Variants in RYR3 observed in about 807,000 individuals in gnomAD.
The protein encoded by RYR3 is ryanodine receptor 3, also known as brain ryanodine receptor-calcium release channel.
RYR3 carries 207 observed loss-of-function variants against 584.3 expected under a neutral mutation model. The ratio of observed to expected loss-of-function variants is 0.35; its 90% CI spans 0.32 to 0.40. RYR3 has a LOEUF of 0.40. Among genes scored for constraint, RYR3 ranks in the 10% least tolerant of loss-of-function variants. The pLI is 1.00. For missense variants in RYR3, 5,616 were observed against 6,089.2 expected, an observed-to-expected ratio of 0.92 and a Z score of 2.59; for synonymous variants, 2,416 against 2,248.5, an observed-to-expected ratio of 1.07 and a Z score of -2.11.
At position 33,412,075 on chromosome 15, in the gene RYR3, T is replaced by C. The variant is rs1253177492; in HGVS notation, c.52-61344T>C. Among the ~76,000 whole-genome samples, 1 of 152,190 alleles carries C rather than the reference T, an allele frequency of 6.6e-6. No homozygotes were observed. Among genetic ancestry groups the C allele is most frequent in the Non-Finnish European group, 1.5e-5 (1 of 68,028 alleles). On this transcript the variant is annotated intron_variant, in intron 1 of 103. Coordinates refer to ENST00000634891, the MANE Select transcript of RYR3 (RefSeq NM_001036.6). The surrounding 1 kb of genome is among the most constrained non-coding windows in gnomAD (Gnocchi z 4.3). ...GTGTCAGCCACACCTGTTGCTGCCA[T>C]TCAGTAGGCTACTTTGTGTATAGTT... is the stretch of plus-strand genomic sequence containing the variant.
At chr15:33,674,241 C>T (rs929464094) in intron 38 of RYR3, among the ~76,000 whole-genome samples, 8 of 152,320 alleles carry the variant, frequency 5.3e-5, no homozygotes, top group East Asian at 1.9e-4. Flanking sequence ...AACACAAATA[C>T]GCACATGCAA....
At chr15:33,736,475 C>A in intron 49 of RYR3, 150 bp downstream of exon 49, 1 of 550,408 alleles carries the variant, frequency 1.8e-6, no homozygotes, top group Non-Finnish European at 3.2e-6. Flanking sequence ...ATAGATCCCA[C>A]AAAACCAAGT....
intron 28 of RYR3, among the ~76,000 whole-genome samples, chr15:33,645,218 G>A (rs1201171015): frequency 3.3e-5 from 5 of 152,100 alleles, no homozygotes; most frequent in Admixed American, 6.6e-5. Flanking sequence ...GCAGAGAGGA[G>A]CCAAAGATTG....
At position 33,533,427 on chromosome 15, in the gene RYR3, G is replaced by C. The variant is rs1251877222; in HGVS notation, c.433+38G>C. ...TCCCAGATCTCTTGAGCTCAGCGGG[G>C]GTCTTGGGCTAAGGGGCTTTTGAGA... On this transcript the variant is annotated intron_variant, in intron 5 of 103. Transcript: ENST00000634891. The C allele has an allele frequency of 4.1e-6, 6 of 1,455,822 alleles. No individual in the cohort carries two copies. In the Admixed American group the frequency reaches 9.2e-5, roughly 22 times the overall value. 90.2% of individuals were successfully genotyped at this position (1,455,822 alleles called of 1,614,324 possible).
intron 1 of RYR3, among the ~76,000 whole-genome samples, chr15:33,326,552 T>G (rs1174930532): frequency 6.6e-6 from 1 of 152,180 alleles, no homozygotes; most frequent in African/African-American, 2.4e-5. Context: ...GAGGGAACAT[T>G]TGAACTGGGG....
rs1050666286 is a variant in RYR3, at chr15:33,694,250, G to GT, written c.5861-1956dup. ...TACAAATCTATTATTACTAGTTTTTGTTTTTTTTTTTTCAAGACGGAGTCT... is the reference window on the plus strand; with the variant it reads ...TACAAATCTATTATTACTAGTTTTTGTTTTTTTTTTTTTCAAGACGGAGTCT... On this transcript the variant is annotated intron_variant, in intron 38 of 103. Coordinates refer to ENST00000634891, the MANE Select transcript of RYR3 (RefSeq NM_001036.6). Among the ~76,000 whole-genome samples, 572 of 142,530 alleles carry GT rather than the reference G, an allele frequency of 4.0e-3. 2 individuals carry two copies. The highest frequency in any genetic ancestry group is 7.9e-3 in the African/African-American group (309 of 39,136). The allele number at this position is 142,530 out of a possible 152,430, so 93.5% of individuals were successfully genotyped here.
At chr15:33,602,326 C>T (rs945928440) in intron 17 of RYR3, among the ~76,000 whole-genome samples, 2 of 152,210 alleles carry the variant, frequency 1.3e-5, no homozygotes, top group African/African-American at 4.8e-5. Flanking sequence ...AACATAAAAA[C>T]TCTAAGTGGT....
At chr15:33,576,539 T>C (rs28803605) in intron 12 of RYR3, among the ~76,000 whole-genome samples, 37,128 of 152,106 alleles carry the variant, frequency 0.24, 7,640 homozygotes, top group African/African-American at 0.57. Flanking sequence ...TTCATAGACA[T>C]AGAAAAGGTC....
At chr15:33,669,220 A>T in intron 36 of RYR3, 134 bp from the exon 37 acceptor site, 1 of 552,700 alleles carries the variant, frequency 1.8e-6, no homozygotes, top group Non-Finnish European at 3.1e-6. Flanking sequence ...AATATTGGCC[A>T]CTTTTACCAA....
At position 33,342,870 on chromosome 15, in the gene RYR3, C is replaced by T. The variant is rs192804829; in HGVS notation, c.51+31774C>T. Among the ~76,000 whole-genome samples the T allele has an allele frequency of 7.9e-5, 12 of 152,274 alleles. No homozygotes were observed. In the East Asian group the frequency reaches 1.9e-3, roughly 24 times the overall value. On this transcript the variant is annotated intron_variant, in intron 1 of 103. Transcript: ENST00000634891. ...TTTATTCGAACTGTGTCCCCTAGATCCTTCCCAGTGTTGGAGGACAAACAG... is the reference window on the plus strand; with the variant it reads ...TTTATTCGAACTGTGTCCCCTAGATTCTTCCCAGTGTTGGAGGACAAACAG...
rs563381527 is a variant in RYR3 at position 33,859,263 on chromosome 15, AAATTATT to A, written c.14143-310_14143-304del. On this transcript the variant is annotated intron_variant, in intron 99 of 103. Coordinates refer to ENST00000634891, the MANE Select transcript of RYR3 (RefSeq NM_001036.6). ...AACACTCTTAAAATTAAATGAGGAAAAATTATTATATGGCATAGGCCATACTCATCAA... is the reference window on the plus strand; with the variant it reads ...AACACTCTTAAAATTAAATGAGGAAAATATGGCATAGGCCATACTCATCAA... 1.2e-4 allele frequency among the ~76,000 whole-genome samples: 18 copies of A among 152,360 alleles called. No individual in the cohort carries two copies. The East Asian group carries it at 3.1e-3, about 26-fold the overall frequency.
intron 63 of RYR3, 137 bp downstream of exon 63, chr15:33,772,295 A>AG: frequency 1.7e-6 from 1 of 582,548 alleles, no homozygotes; most frequent in South Asian, 2.3e-5. Flanking sequence ...CTTAGATTAA[A>AG]AAAGAAGAAG....
chr15:33,574,728 A>G (rs112984056), intron 12 of RYR3, among the ~76,000 whole-genome samples: 1 of 152,174 alleles, frequency 6.6e-6, no homozygotes, highest in Admixed American at 6.5e-5. Flanking sequence ...AATATTTAGC[A>G]GTTGGTGAAT....
chr15:33,328,657 T>C (rs922911520), intron 1 of RYR3, among the ~76,000 whole-genome samples: 1 of 152,242 alleles, frequency 6.6e-6, no homozygotes, highest in Non-Finnish European at 1.5e-5. Flanking sequence ...TTTTCAGATG[T>C]TACAGAGGTG....
At chr15:33,823,166 A>G (rs1045674125) in intron 81 of RYR3, 94 bp downstream of exon 81, 7 of 996,586 alleles carry the variant, frequency 7.0e-6, no homozygotes, top group Non-Finnish European at 1.0e-5. Flanking sequence ...CTGGCCTACC[A>G]TAGAATTCTT....
chr15:33,557,994 C>T (rs2057176796), intron 10 of RYR3, among the ~76,000 whole-genome samples: 1 of 152,066 alleles, frequency 6.6e-6, no homozygotes, highest in Non-Finnish European at 1.5e-5. Flanking sequence ...AGATTGAATG[C>T]CTGCAGAACA....
chr15:33,815,217 G>C (rs771203145), intron 74 of RYR3, among the ~76,000 whole-genome samples: 1 of 152,244 alleles, frequency 6.6e-6, no homozygotes, highest in Non-Finnish European at 1.5e-5. Flanking sequence ...AGCTCAAGCA[G>C]TCATGGGCGT....
chr15:33,841,019 A>G (rs2078329717), intron 90 of RYR3, 136 bp downstream of exon 90: 2 of 756,730 alleles, frequency 2.6e-6, no homozygotes, highest in Non-Finnish European at 4.4e-6. Flanking sequence ...GGACTTCGAG[A>G]CCATCCTGGG....
At position 33,493,139 on chromosome 15, in the gene RYR3, T is replaced by C. The variant is rs545574219; in HGVS notation, c.172-10492T>C. ...AGACTTAGACCTTCCTTCTCCCCTC[T>C]CCCCTCAATCTTCACCCCATCTCTC... On this transcript the variant is annotated intron_variant, in intron 2 of 103. Coordinates refer to ENST00000634891, the MANE Select transcript of RYR3 (RefSeq NM_001036.6). Among the ~76,000 whole-genome samples, 8 of 116,458 alleles carry C rather than the reference T, an allele frequency of 6.9e-5. No individual in the cohort carries two copies. In the Admixed American group the frequency reaches 6.9e-4, roughly 10 times the overall value. The allele number at this position is 116,458 out of a possible 152,430, so 76.4% of individuals were successfully genotyped here. A position where few individuals can be genotyped will look rare whatever the true frequency, so the allele number is the denominator to read the frequency against.
Sources: gnomAD v4.1 joint callset for allele counts (sites outside exome capture counted in the v4.1 genomes callset) on GRCh38, gnomAD v4.1.1 for gene constraint, Gnocchi (gnomAD v3.1) non-coding constraint, MANE v1.5 for transcripts, NCBI Gene and HGNC (gene_info 2026-07-23, HGNC 2026-07-21) for gene names.